The following CDK14 variants were observed in gnomAD, a reference collection of about 807,000 sequenced individuals.
CDK14 encodes cyclin dependent kinase 14.
In CDK14, 34 loss-of-function variants were observed where a neutral mutation model predicts 60.7. The ratio of observed to expected loss-of-function variants is 0.56; its 90% confidence interval spans 0.43 to 0.75. The LOEUF is 0.75. Among genes scored for constraint, CDK14 ranks in the 30% least tolerant of loss-of-function variants. The pLI, the probability that CDK14 is intolerant of heterozygous loss-of-function variation, is 0.00. For synonymous variants in CDK14, 197 were observed against 203.7 expected (o/e 0.97, Z 0.28); for missense variants, 482 against 564.1 (o/e 0.85, Z 1.47).
chr7:90,710,246 C>G lies in CDK14; in HGVS notation c.124-16321C>G, dbSNP rs375342970. On this transcript the variant is annotated intron_variant, in intron 2 of 14. Coordinates refer to ENST00000380050, the MANE Select transcript of CDK14 (RefSeq NM_001287135.2). The stretch of plus-strand genomic sequence containing the variant: ...GTGATAAGATGGGGAAAAGGTTTAA[C>G]GACTGCTTCTTTGCCATATCTGAGT... 1.0e-4 allele frequency: 101 copies of G among 985,072 alleles called. No individual in the cohort carries two copies. The African/African-American group carries it at 1.4e-3, about 13-fold the overall frequency. The allele number at this position is 985,072 out of a possible 1,614,324, so 61.0% of individuals were successfully genotyped here.
At chr7:91,099,652 C>T (rs1455401375) in intron 12 of CDK14, among the ~76,000 whole-genome samples, 1 of 152,052 alleles carries the variant, frequency 6.6e-6, no homozygotes, top group African/African-American at 2.4e-5. Flanking sequence ...TCACAGCAGT[C>T]CTGTGAAGTA....
intron 12 of CDK14, among the ~76,000 whole-genome samples, chr7:91,104,000 A>G (rs1357121545): frequency 6.6e-6 from 1 of 152,158 alleles, no homozygotes; most frequent in Non-Finnish European, 1.5e-5. Flanking sequence ...TTCTCATACC[A>G]CACATACTCT....
intron 11 of CDK14, among the ~76,000 whole-genome samples, chr7:91,061,400 C>G (rs1032709794): frequency 9.9e-5 from 15 of 152,216 alleles, no homozygotes; most frequent in Admixed American, 2.0e-4. Context: ...TCTCTCAATT[C>G]GTCAAAGTCA....
chr7:91,104,400 A>G (rs959572531), intron 12 of CDK14, among the ~76,000 whole-genome samples: 3 of 152,228 alleles, frequency 2.0e-5, no homozygotes, highest in African/African-American at 4.8e-5. Context: ...AGCCACTCAC[A>G]GGAGGGCAGC....
Position 90,792,522 on chromosome 7 carries a change from T to G in CDK14, c.544+1870T>G, listed in dbSNP as rs571418512. 5.3e-5 allele frequency among the ~76,000 whole-genome samples: 8 copies of G among 152,266 alleles called. No individual in the cohort carries two copies. In the South Asian group the frequency reaches 1.7e-3, roughly 32 times the overall value. On this transcript the variant is annotated intron_variant, in intron 5 of 14. Transcript: ENST00000380050. ...GAACTCATGATCCTCCCACTATAAATGAAACCATGTTCTCCCTGTATTAGT... is the reference window on the plus strand; with the variant it reads ...GAACTCATGATCCTCCCACTATAAAGGAAACCATGTTCTCCCTGTATTAGT...
chr7:91,181,163 A>G (rs1002972694), intron 14 of CDK14, among the ~76,000 whole-genome samples: 1 of 152,134 alleles, frequency 6.6e-6, no homozygotes, highest in Non-Finnish European at 1.5e-5. Context: ...TCTGTCAACA[A>G]TGTTTTTAAA....
chr7:91,171,624 G>A (rs1224914691), intron 14 of CDK14, among the ~76,000 whole-genome samples: 2 of 152,102 alleles, frequency 1.3e-5, no homozygotes, highest in African/African-American at 2.4e-5. Flanking sequence ...ATTTTCTAAT[G>A]GATGGTTTAT....
At chr7:91,110,879 A>G (rs1247354877) in intron 12 of CDK14, among the ~76,000 whole-genome samples, 1 of 152,194 alleles carries the variant, frequency 6.6e-6, no homozygotes, top group African/African-American at 2.4e-5. Context: ...GCCTATCTCA[A>G]ACTTTGCGTT....
At chr7:91,084,618 A>G (rs1361899337) in intron 12 of CDK14, among the ~76,000 whole-genome samples, 1 of 152,138 alleles carries the variant, frequency 6.6e-6, no homozygotes, top group Non-Finnish European at 1.5e-5. Flanking sequence ...CTTTTTTTGT[A>G]GCAAAGAATT....
chr7:90,933,853 C>T lies in CDK14; in HGVS notation c.826+16129C>T, dbSNP rs576473354. 9.2e-5 allele frequency among the ~76,000 whole-genome samples: 14 copies of T among 152,326 alleles called. No individual in the cohort carries two copies. The East Asian group carries it at 2.3e-3, about 25-fold the overall frequency. On this transcript the variant is annotated intron_variant, in intron 8 of 14. Transcript: ENST00000380050. ...AGCCATGAGCAGAAATGTTGATGTTCATGTGGACAGCAAAGCTGGAGAGTA... is the reference window on the plus strand; with the variant it reads ...AGCCATGAGCAGAAATGTTGATGTTTATGTGGACAGCAAAGCTGGAGAGTA...
At position 90,726,229 on chromosome 7, in the gene CDK14, C is replaced by T. The variant is rs1033933953; in HGVS notation, c.124-338C>T. The T allele has an allele frequency of 1.7e-5, 14 of 818,766 alleles. No homozygotes were observed. The African/African-American group carries it at 2.6e-4, about 15-fold the overall frequency. The allele number at this position is 818,766 out of a possible 1,614,324, so 50.7% of individuals were successfully genotyped here. Reference sequence around the variant, plus strand: ...TAAATTAAGGCTAGTTACCCAACCTCTTAATGATTCAGAAATAAACCACTT... The same window carrying T: ...TAAATTAAGGCTAGTTACCCAACCTTTTAATGATTCAGAAATAAACCACTT... On this transcript the variant is annotated intron_variant, in intron 2 of 14. Transcript: ENST00000380050.
intron 2 of CDK14, chr7:90,710,419 C>T: frequency 7.1e-6 from 7 of 985,202 alleles, no homozygotes; most frequent in Non-Finnish European, 8.4e-6. Flanking sequence ...AACTGATGTC[C>T]ATGAATTTAG....
intron 4 of CDK14, among the ~76,000 whole-genome samples, chr7:90,749,857 C>G (rs1562751924): frequency 6.6e-6 from 1 of 152,148 alleles, no homozygotes; most frequent in African/African-American, 2.4e-5. Flanking sequence ...TTGCCTCATG[C>G]CCCCAGGACT....
intron 12 of CDK14, among the ~76,000 whole-genome samples, chr7:91,085,106 G>C (rs755276884): frequency 6.6e-5 from 10 of 152,180 alleles, no homozygotes; most frequent in Non-Finnish European, 1.5e-4. Context: ...ACATTTATTG[G>C]TGTAGAATAG....
intron 8 of CDK14, among the ~76,000 whole-genome samples, chr7:90,928,476 G>T (rs2117460240): frequency 6.6e-6 from 1 of 152,312 alleles, no homozygotes; most frequent in South Asian, 2.1e-4. Flanking sequence ...GTTGGAGTTT[G>T]CTGGAGGTCC....
chr7:90,746,294 G>T (rs1420113549), intron 3 of CDK14, among the ~76,000 whole-genome samples: 1 of 152,078 alleles, frequency 6.6e-6, no homozygotes, highest in African/African-American at 2.4e-5. Flanking sequence ...GGTATTTTGG[G>T]CGGGAAGAAA....
At chr7:90,848,963 A>C (rs1440719066) in intron 5 of CDK14, among the ~76,000 whole-genome samples, 1 of 151,808 alleles carries the variant, frequency 6.6e-6, no homozygotes, top group African/African-American at 2.4e-5. Context: ...CCCTTTTCTT[A>C]CTCTGTTTAT....
chr7:91,168,499 A>C (rs1481781013), intron 14 of CDK14, among the ~76,000 whole-genome samples: 1 of 152,200 alleles, frequency 6.6e-6, no homozygotes, highest in East Asian at 1.9e-4. Flanking sequence ...GTTTCACCTT[A>C]CTTGCCAGGC....
chr7:90,896,263 G>T (rs1792335035), intron 6 of CDK14, among the ~76,000 whole-genome samples: 1 of 151,686 alleles, frequency 6.6e-6, no homozygotes, highest in African/African-American at 2.4e-5. Flanking sequence ...AGTATTTTTA[G>T]ACTTTTTTAA....
Sources: gnomAD v4.1 joint callset for allele counts (sites outside exome capture counted in the v4.1 genomes callset) on GRCh38, gnomAD v4.1.1 for gene constraint, MANE v1.5 for transcripts, NCBI Gene and HGNC (gene_info 2026-07-23, HGNC 2026-07-21) for gene names.